Variants in ADAM12 observed in about 807,000 individuals in gnomAD.
ADAM12 encodes the protein ADAM metallopeptidase domain 12.
In ADAM12, 70 loss-of-function variants were observed where a neutral mutation model predicts 106.4. The ratio of observed to expected loss-of-function variants is 0.66; its 90% CI spans 0.54 to 0.80. The LOEUF (loss-of-function observed/expected upper bound fraction) is 0.80. Among genes scored for constraint, ADAM12 ranks in the 30% least tolerant of loss-of-function variants. The pLI is 0.00. For synonymous variants in ADAM12, 420 were observed against 433.5 expected, an observed-to-expected ratio of 0.97 and a Z score of 0.39; for missense variants, 1,010 against 1,171.9, an observed-to-expected ratio of 0.86 and a Z score of 2.02.
intron 1 of ADAM12, among the ~76,000 whole-genome samples, chr10:126,351,156 C>T (rs1368463436): frequency 1.3e-5 from 2 of 152,182 alleles, no homozygotes; most frequent in Non-Finnish European, 2.9e-5. Context: ...ACCTGTTCAG[C>T]CCAAAGCTGG....
intron 3 of ADAM12, among the ~76,000 whole-genome samples, chr10:126,199,391 G>T (rs1957655693): frequency 6.6e-6 from 1 of 152,106 alleles, no homozygotes; most frequent in Non-Finnish European, 1.5e-5. Flanking sequence ...TGCAGTGCAT[G>T]AGTCATTTTA....
chr10:126,337,821 C>G (rs1854764683), intron 1 of ADAM12, among the ~76,000 whole-genome samples: 1 of 152,144 alleles, frequency 6.6e-6, no homozygotes, highest in African/African-American at 2.4e-5. Context: ...TGCTGGCTTT[C>G]TTTGAGTGCT....
chr10:126,282,888 C>T (rs531123201), intron 2 of ADAM12, among the ~76,000 whole-genome samples: 8 of 152,066 alleles, frequency 5.3e-5, no homozygotes, highest in Admixed American at 2.0e-4. Context: ...GGGATGGTTT[C>T]GGGATGATTC....
chr10:126,251,521 T>A (rs796775345), intron 3 of ADAM12, among the ~76,000 whole-genome samples: 17 of 151,012 alleles, frequency 1.1e-4, no homozygotes, highest in African/African-American at 3.9e-4. Context: ...ATGGATGGGA[T>A]GGACAGGATG....
chr10:126,256,095 A>C (rs1379796026), intron 3 of ADAM12, among the ~76,000 whole-genome samples: 1 of 152,174 alleles, frequency 6.6e-6, no homozygotes, highest in Non-Finnish European at 1.5e-5. Flanking sequence ...TGGGACACTT[A>C]AGAAAAATAC....
In ADAM12 at chr10:126,100,816, C is replaced by T. The variant is rs574379376; in HGVS notation, c.911+256G>A. Reference sequence around the variant, plus strand: ...AAAAATTGGTATAGAAGAAAATGTCCGGGTTCTAGAAGAAGGAAATGAGAG... The same window carrying T: ...AAAAATTGGTATAGAAGAAAATGTCTGGGTTCTAGAAGAAGGAAATGAGAG... On this transcript the variant is annotated intron_variant, in intron 9 of 22. Coordinates refer to ENST00000448723, the MANE Select transcript of ADAM12 (RefSeq NM_001288973.2). Among the ~76,000 whole-genome samples the T allele has an allele frequency of 5.9e-5, 9 of 152,168 alleles. No individual in the cohort carries two copies. In the South Asian group the frequency reaches 6.2e-4, roughly 11 times the overall value.
intron 4 of ADAM12, among the ~76,000 whole-genome samples, chr10:126,136,559 G>T (rs1014755443): frequency 2.0e-5 from 3 of 152,112 alleles, no homozygotes; most frequent in Non-Finnish European, 4.4e-5. Flanking sequence ...ACCCTCCTTA[G>T]CACACAGCTC....
At chr10:126,150,625 G>C (rs1006008107) in intron 4 of ADAM12, among the ~76,000 whole-genome samples, 27 of 152,046 alleles carry the variant, frequency 1.8e-4, no homozygotes, top group African/African-American at 6.3e-4. Context: ...CTTGACTCTG[G>C]CCAATTGCTG....
chr10:126,321,747 CAAG>C (rs1378882821), intron 2 of ADAM12, among the ~76,000 whole-genome samples: 1 of 152,134 alleles, frequency 6.6e-6, no homozygotes, highest in Non-Finnish European at 1.5e-5. Flanking sequence ...TGTCTGGAGT[CAAG>C]ATGTATGAAG....
At chr10:126,137,676 GGTGTTC>G (rs1956431091) in intron 4 of ADAM12, among the ~76,000 whole-genome samples, 1 of 152,126 alleles carries the variant, frequency 6.6e-6, no homozygotes, top group East Asian at 1.9e-4. Flanking sequence ...ACTTAAGCAT[GGTGTTC>G]TCAAGTTCAT....
intron 17 of ADAM12, among the ~76,000 whole-genome samples, chr10:126,044,681 G>C (rs1208053528): frequency 5.9e-5 from 9 of 152,208 alleles, no homozygotes; most frequent in Non-Finnish European, 1.3e-4. Flanking sequence ...CAACCGACTT[G>C]TTTTGATGAA....
intron 2 of ADAM12, among the ~76,000 whole-genome samples, chr10:126,313,472 C>A (rs1227803580): frequency 6.6e-6 from 1 of 152,208 alleles, no homozygotes. Flanking sequence ...GGGTCAAAGT[C>A]TCCCACCTGG....
chr10:126,187,326 T>C (rs200536892), intron 3 of ADAM12, among the ~76,000 whole-genome samples: 1 of 148,490 alleles, frequency 6.7e-6, no homozygotes, highest in Non-Finnish European at 1.5e-5. Context: ...GGAAATGAAA[T>C]AAAAAAAAAA....
At chr10:126,300,434 G>C (rs1245859687) in intron 2 of ADAM12, among the ~76,000 whole-genome samples, 2 of 152,094 alleles carry the variant, frequency 1.3e-5, no homozygotes, top group African/African-American at 4.8e-5. Context: ...GTACCTCCAA[G>C]CTAAGAGTTA....
intron 3 of ADAM12, among the ~76,000 whole-genome samples, chr10:126,157,033 G>GCC: frequency 6.6e-6 from 1 of 151,672 alleles, no homozygotes; most frequent in South Asian, 2.2e-4. Flanking sequence ...GTGTGTGTGT[G>GCC]GGGGGGTGCT....
At chr10:126,156,481 CTG>C (rs1233753209) in intron 3 of ADAM12, among the ~76,000 whole-genome samples, 2 of 152,208 alleles carry the variant, frequency 1.3e-5, no homozygotes, top group African/African-American at 4.8e-5. Context: ...CCAGAAAATT[CTG>C]TAACGGGGAT....
intron 4 of ADAM12, among the ~76,000 whole-genome samples, chr10:126,140,852 T>G (rs1956496705): frequency 6.6e-6 from 1 of 152,166 alleles, no homozygotes; most frequent in African/African-American, 2.4e-5. Context: ...GAAATTTGAT[T>G]ATGGGGAGTG....
chr10:126,362,095 CT>C (rs1254817641), intron 1 of ADAM12, among the ~76,000 whole-genome samples: 1 of 152,018 alleles, frequency 6.6e-6, no homozygotes, highest in Admixed American at 6.6e-5. Context: ...AGAAAGAAAA[CT>C]ATTAGCCTGA....
intron 3 of ADAM12, among the ~76,000 whole-genome samples, chr10:126,185,040 G>C (rs1458351384): frequency 1.3e-5 from 2 of 152,302 alleles, no homozygotes; most frequent in Admixed American, 1.3e-4. Flanking sequence ...ATGAAAGCAC[G>C]GGTTGGAGTT....
Sources: allele counts gnomAD v4.1 joint callset (sites outside exome capture counted in the v4.1 genomes callset), GRCh38; gene constraint gnomAD v4.1.1; transcripts MANE v1.5; gene names NCBI Gene and HGNC (gene_info 2026-07-23, HGNC 2026-07-21).